The following NTM variants were observed in gnomAD, a reference collection of about 807,000 sequenced individuals.
NTM encodes the protein neurotrimin.
A neutral mutation model predicts 42.1 loss-of-function variants in NTM; 13 were observed. The observed-to-expected ratio is 0.31, with a 90% CI of 0.20 to 0.49. The LOEUF (loss-of-function observed/expected upper bound fraction) is 0.49. Among genes scored for constraint, NTM ranks in the 20% least tolerant of loss-of-function variants. The pLI, the probability that NTM is intolerant of heterozygous loss-of-function variation, is 0.99. For missense variants in NTM, 373 were observed against 452.8 expected, an observed-to-expected ratio of 0.82 and a Z score of 1.60; for synonymous variants, 187 against 179.2, an observed-to-expected ratio of 1.04 and a Z score of -0.35.
chr11:131,677,244 G>T (rs1453748354), intron 1 of NTM, among the ~76,000 whole-genome samples: 2 of 152,126 alleles, frequency 1.3e-5, no homozygotes, highest in Admixed American at 6.5e-5. Context: ...GCCACTTCAG[G>T]CCATTTGAGT....
At chr11:131,999,666 C>T (rs2135260770) in intron 2 of NTM, among the ~76,000 whole-genome samples, 1 of 152,254 alleles carries the variant, frequency 6.6e-6, no homozygotes, top group South Asian at 2.1e-4. Context: ...CTGACATATG[C>T]CTCTGTTTTG....
intron 2 of NTM, among the ~76,000 whole-genome samples, chr11:132,109,197 T>A (rs867245084): frequency 0.14 from 20,965 of 151,678 alleles, 1,521 homozygotes; most frequent in Middle Eastern, 0.17. Flanking sequence ...TAGAATGATT[T>A]ATCTTTTAGT....
intron 1 of NTM, among the ~76,000 whole-genome samples, chr11:131,542,904 C>T (rs1485409454): frequency 1.3e-5 from 2 of 152,064 alleles, no homozygotes; most frequent in Admixed American, 6.5e-5. Context: ...GTATGTCTGA[C>T]CTACACCCAG....
intron 1 of NTM, chr11:131,769,684 C>A: frequency 1.9e-6 from 1 of 528,090 alleles, no homozygotes; most frequent in Non-Finnish European, 2.4e-6. Context: ...AGATTCAGAG[C>A]ATTGGTGAGA....
intron 1 of NTM, among the ~76,000 whole-genome samples, chr11:131,434,742 C>T (rs911602327): frequency 3.9e-5 from 6 of 152,178 alleles, no homozygotes; most frequent in Non-Finnish European, 8.8e-5. Flanking sequence ...TGTAGGTTGC[C>T]TATTCACTCT....
chr11:131,647,713 A>G (rs1186005206), intron 1 of NTM, among the ~76,000 whole-genome samples: 1 of 152,202 alleles, frequency 6.6e-6, no homozygotes, highest in Non-Finnish European at 1.5e-5. Flanking sequence ...GTATAAATTC[A>G]TATGTGATTT....
At chr11:131,764,026 G>A (rs1393040080) in intron 1 of NTM, among the ~76,000 whole-genome samples, 1 of 151,848 alleles carries the variant, frequency 6.6e-6, no homozygotes, top group Non-Finnish European at 1.5e-5. Flanking sequence ...TAAAACATTT[G>A]GTGATAGATT....
chr11:131,396,026 C>A (rs181834217), intron 1 of NTM, among the ~76,000 whole-genome samples: 131 of 152,250 alleles, frequency 8.6e-4, no homozygotes, highest in Non-Finnish European at 1.6e-3. Flanking sequence ...GGTGAGGGGG[C>A]AGAAAGGGTT....
intron 1 of NTM, among the ~76,000 whole-genome samples, chr11:131,846,057 T>C (rs141761929): frequency 6.6e-6 from 1 of 152,334 alleles, no homozygotes; most frequent in Non-Finnish European, 1.5e-5. Flanking sequence ...TTTTTAAACT[T>C]CTGATAACAT....
At chr11:131,418,532 G>A (rs1340995209) in intron 1 of NTM, among the ~76,000 whole-genome samples, 1 of 152,196 alleles carries the variant, frequency 6.6e-6, no homozygotes, top group Non-Finnish European at 1.5e-5. Flanking sequence ...CAGGTAGAGA[G>A]GGAACAAACA....
chr11:132,171,600 T>C (rs1200040743), intron 3 of NTM, among the ~76,000 whole-genome samples: 2 of 152,240 alleles, frequency 1.3e-5, no homozygotes, highest in Admixed American at 1.3e-4. Flanking sequence ...AGGATGTCGA[T>C]ATATGACTTT....
intron 1 of NTM, among the ~76,000 whole-genome samples, chr11:131,863,808 C>G (rs1264387122): frequency 6.6e-6 from 1 of 152,162 alleles, no homozygotes; most frequent in Non-Finnish European, 1.5e-5. Context: ...GCTCCCATGC[C>G]ACATGGCTGG....
chr11:131,439,092 C>A (rs1466406903), intron 1 of NTM, among the ~76,000 whole-genome samples: 1 of 152,202 alleles, frequency 6.6e-6, no homozygotes, highest in East Asian at 1.9e-4. Context: ...TCCAGACCCT[C>A]TTTTCCTGGG....
At chr11:131,857,666 T>A (rs2046233809) in intron 1 of NTM, among the ~76,000 whole-genome samples, 1 of 152,144 alleles carries the variant, frequency 6.6e-6, no homozygotes, top group Non-Finnish European at 1.5e-5. Context: ...GATTTCTCCT[T>A]CTCCCTCACC....
chr11:131,776,970 A>C (rs11222786), intron 1 of NTM: 9,543 of 172,270 alleles, frequency 0.055, 375 homozygotes, highest in African/African-American at 0.12. Flanking sequence ...AGACAGGTGA[A>C]GTTGTCTCTG....
At chr11:132,058,909 C>G (rs972367804) in intron 2 of NTM, among the ~76,000 whole-genome samples, 23 of 152,082 alleles carry the variant, frequency 1.5e-4, no homozygotes, top group African/African-American at 5.1e-4. Context: ...CCAATGTTTC[C>G]CACAATGTGT....
At chr11:131,920,946 C>T (rs527343194) in intron 2 of NTM, among the ~76,000 whole-genome samples, 1 of 152,192 alleles carries the variant, frequency 6.6e-6, no homozygotes, top group Non-Finnish European at 1.5e-5. Flanking sequence ...GAAAAAAATG[C>T]TCTCACATTC....
At chr11:131,886,007 C>A (rs1416294688) in intron 1 of NTM, among the ~76,000 whole-genome samples, 1 of 152,118 alleles carries the variant, frequency 6.6e-6, no homozygotes, top group Non-Finnish European at 1.5e-5. Context: ...GATTAAGCAC[C>A]TGACTCCCTG....
At chr11:132,256,047 C>A (rs1056558476) in intron 4 of NTM, among the ~76,000 whole-genome samples, 1 of 152,218 alleles carries the variant, frequency 6.6e-6, no homozygotes, top group Non-Finnish European at 1.5e-5. Flanking sequence ...TCTATCCCTG[C>A]ACCACATCTG....
Sources: allele counts gnomAD v4.1 joint callset (sites outside exome capture counted in the v4.1 genomes callset), GRCh38; gene constraint gnomAD v4.1.1; transcripts MANE v1.5; gene names NCBI Gene and HGNC (gene_info 2026-07-23, HGNC 2026-07-21).